The following CENPE variants were observed in gnomAD, a reference collection of about 807,000 sequenced individuals.
CENPE encodes the protein centromere-associated protein E.
CENPE carries 145 observed loss-of-function variants against 336.1 expected under a neutral mutation model. That is an observed-to-expected ratio of 0.43 (90% CI 0.38 to 0.50). CENPE has a LOEUF of 0.50. Among genes scored for constraint, CENPE ranks in the 20% least tolerant of loss-of-function variants. The probability of loss-of-function intolerance (pLI) is 0.00; values close to 1 mark genes in which losing one functional copy is unlikely to be tolerated. For missense variants in CENPE, 2,719 were observed against 3,023.3 expected, an observed-to-expected ratio of 0.90 and a Z score of 2.36; for synonymous variants, 1,013 against 984.8, an observed-to-expected ratio of 1.03 and a Z score of -0.54.
At chr4:103,174,021 A>G (rs1202391369) in intron 16 of CENPE, among the ~76,000 whole-genome samples, 1 of 152,002 alleles carries the variant, frequency 6.6e-6, no homozygotes, top group Non-Finnish European at 1.5e-5. Flanking sequence ...AGGAACTTAA[A>G]TGAGTATGTT....
rs979387598 is a variant in CENPE, at chr4:103,182,855, T to C, written c.870A>G (p.Arg290=). Residue 290 remains arginine, a synonymous_variant, in exon 11 of 49, where the codon CGA becomes CGG. Transcript: ENST00000265148. ...TTCCTCCCAAGGAATTCTGGAGAAT[T>C]CGTGTTAACTTGCTATCTCGATAAT... ...FINYRDSKLT[R]ILQNSLGGNA... is the part of the protein sequence containing the mutation. 1.2e-6 allele frequency: 2 copies of C among 1,612,796 alleles called. No homozygotes were observed. The highest frequency in any genetic ancestry group is 1.7e-6 in the Non-Finnish European group (2 of 1,179,188).
Position 103,108,790 on chromosome 4 carries a change from T to C in CENPE, c.8011+13A>G, listed in dbSNP as rs895022332. On this transcript the variant is annotated intron_variant, in intron 48 of 48. Transcript: ENST00000265148. ...TACCCTCTGATTTCCAAGTAACCAGTATATTTACTTACCTGGACAAAGGCC... is the reference window on the plus strand; with the variant it reads ...TACCCTCTGATTTCCAAGTAACCAGCATATTTACTTACCTGGACAAAGGCC... 5.0e-6 allele frequency: 8 copies of C among 1,607,696 alleles called. No individual in the cohort carries two copies. The highest frequency in any genetic ancestry group is 6.8e-6 in the Non-Finnish European group (8 of 1,176,258).
chr4:103,162,093 CTTGCCACGCT>C (rs2125978812), intron 18 of CENPE, among the ~76,000 whole-genome samples: 1 of 152,182 alleles, frequency 6.6e-6, no homozygotes, highest in Admixed American at 6.5e-5. Flanking sequence ...GGCAGTTCTG[CTTGCCACGCT>C]ATGAACAGAC....
chr4:103,128,512 T>C (rs1215852883), intron 42 of CENPE, among the ~76,000 whole-genome samples: 1 of 152,164 alleles, frequency 6.6e-6, no homozygotes, highest in Non-Finnish European at 1.5e-5. Flanking sequence ...ACAGACCACA[T>C]TCTGGACCAA....
chr4:103,127,046 G>GT (rs1382320839), intron 42 of CENPE, among the ~76,000 whole-genome samples: 3 of 145,098 alleles, frequency 2.1e-5, no homozygotes, highest in African/African-American at 7.6e-5. Flanking sequence ...GATTAACAAC[G>GT]TACACCAAAC....
At chr4:103,158,557 T>C in intron 23 of CENPE, 57 bp downstream of exon 23, 2 of 1,528,634 alleles carry the variant, frequency 1.3e-6, no homozygotes, top group Non-Finnish European at 1.8e-6. Flanking sequence ...AATGATGGCC[T>C]CTGCAATGTT....
rs756823638 is a variant in CENPE at position 103,160,693 on chromosome 4, G to A, written c.2218C>T (p.Arg740Trp). The A allele has an allele frequency of 4.9e-5, 79 of 1,610,236 alleles. No individual in the cohort carries two copies. Among genetic ancestry groups the A allele is most frequent in the South Asian group, 2.0e-4 (18 of 90,522 alleles). The change falls in exon 21 of 49, where the codon CGG becomes TGG. Residue 740 changes from arginine (R) to tryptophan (W), a missense_variant. Transcript: ENST00000265148. ...NKEVEENEAL[R>W]EEVILLSELK... ...TCTGAAAGCAAAATGACTTCTTCCC[G>A]CAAAGCTTCATTTTCTTCAACTTCT...
intron 16 of CENPE, among the ~76,000 whole-genome samples, chr4:103,168,385 T>A (rs996814042): frequency 6.6e-6 from 1 of 152,202 alleles, no homozygotes; most frequent in African/African-American, 2.4e-5. Flanking sequence ...CTGGCAGTTA[T>A]CCTGCCTGTG....
At position 103,160,722 on chromosome 4, in the gene CENPE, T is replaced by C; in HGVS notation, c.2189A>G (p.Asn730Ser). 5 of 1,609,448 alleles carry C rather than the reference T, an allele frequency of 3.1e-6. No individual in the cohort carries two copies. Among genetic ancestry groups the C allele is most frequent in the African/African-American group, 1.3e-5 (1 of 74,756 alleles). The change falls in exon 21 of 49, where the codon AAT becomes AGT. Residue 730 changes from asparagine (N) to serine (S), a missense_variant. Transcript: ENST00000265148. ...GKITDLQKEL[N>S]KEVEENEALR... ...AGCTTCATTTTCTTCAACTTCTTTATTTAGTTCTTTCTGAAGATCAGTAAT... is the reference window on the plus strand; with the variant it reads ...AGCTTCATTTTCTTCAACTTCTTTACTTAGTTCTTTCTGAAGATCAGTAAT...
intron 43 of CENPE, among the ~76,000 whole-genome samples, chr4:103,121,925 C>T (rs997797710): frequency 6.6e-6 from 1 of 152,050 alleles, no homozygotes; most frequent in Non-Finnish European, 1.5e-5. Flanking sequence ...AATTCTCATA[C>T]TTAATTGGGT....
At chr4:103,177,077 A>G in intron 13 of CENPE, 31 bp from the exon 14 acceptor site, 1 of 1,537,690 alleles carries the variant, frequency 6.5e-7, no homozygotes, top group South Asian at 1.2e-5. Context: ...ATTATGTCAT[A>G]TAGATCTGTA....
chr4:103,166,000 T>C (rs13104093), intron 16 of CENPE, among the ~76,000 whole-genome samples: 2 of 152,096 alleles, frequency 1.3e-5, no homozygotes, highest in Non-Finnish European at 2.9e-5. Context: ...ATATATTCTG[T>C]GGTATTTTTG....
chr4:103,111,109 C>A, intron 46 of CENPE, 98 bp from the exon 47 acceptor site: 1 of 797,758 alleles, frequency 1.3e-6, no homozygotes, highest in Non-Finnish European at 1.9e-6. Flanking sequence ...ATTATAGAGA[C>A]CCAAACAGCT....
At chr4:103,120,459 G>C in intron 43 of CENPE, 126 bp from the exon 44 acceptor site, 2 of 707,616 alleles carry the variant, frequency 2.8e-6, no homozygotes, top group Admixed American at 3.5e-5. Flanking sequence ...ACAATGGATA[G>C]AAGAGAGGCC....
In CENPE at chr4:103,139,858, C is replaced by T. The variant is rs1282449467; in HGVS notation, c.6135G>A (p.Arg2045=). ...CCATTTTGAGAGATTCTTTTATCCTCCTTAGCTCATCTCTTTCTTTAGCTA... is the reference window on the plus strand; with the variant it reads ...CCATTTTGAGAGATTCTTTTATCCTTCTTAGCTCATCTCTTTCTTTAGCTA... ...RIVAKERDEL[R]RIKESLKMER... Residue 2045 remains arginine, a synonymous_variant, in exon 38 of 49, where the codon AGG becomes AGA. Coordinates refer to ENST00000265148, the MANE Select transcript of CENPE (RefSeq NM_001813.3). The T allele has an allele frequency of 1.2e-6, 2 of 1,613,230 alleles. No homozygotes were observed. The highest frequency in any genetic ancestry group is 1.7e-5 in the Admixed American group (1 of 59,996).
At position 103,165,935 on chromosome 4, in the gene CENPE, T is replaced by C. The variant is rs79552204; in HGVS notation, c.1648-2382A>G. Among the ~76,000 whole-genome samples the C allele has an allele frequency of 2.0e-3, 309 of 151,848 alleles. 12 individuals carry two copies. The East Asian group carries it at 0.031, about 15-fold the overall frequency. On this transcript the variant is annotated intron_variant, in intron 16 of 48. Coordinates refer to ENST00000265148, the MANE Select transcript of CENPE (RefSeq NM_001813.3). ...AAATTTAAAAAGAACGGAGTAGGAT[T>C]CTTCCTCCTCAACTGTGGTTAAAAT...
chr4:103,140,736 C>T, intron 36 of CENPE, 78 bp downstream of exon 36: 2 of 1,209,998 alleles, frequency 1.7e-6, no homozygotes, highest in South Asian at 3.3e-5. Context: ...AGTCACCAGA[C>T]ACAACGCTGC....
At chr4:103,133,549 C>A in intron 41 of CENPE, 146 bp downstream of exon 41, 1 of 633,548 alleles carries the variant, frequency 1.6e-6, no homozygotes, top group Non-Finnish European at 2.7e-6. Flanking sequence ...CCATTATTTG[C>A]CAGTCTTTAT....
intron 16 of CENPE, among the ~76,000 whole-genome samples, chr4:103,172,294 T>G (rs1033389171): frequency 2.6e-5 from 4 of 151,988 alleles, no homozygotes; most frequent in African/African-American, 9.6e-5. Context: ...ATAAGAATGG[T>G]TCATCATAAA....
Sources: allele counts gnomAD v4.1 joint callset (sites outside exome capture counted in the v4.1 genomes callset), GRCh38; gene constraint gnomAD v4.1.1; transcripts MANE v1.5; gene names NCBI Gene and HGNC (gene_info 2026-07-23, HGNC 2026-07-21).